The following LONRF2 variants were observed in gnomAD, a reference collection of about 807,000 sequenced individuals.
LONRF2 encodes the protein LON peptidase N-terminal domain and RING finger protein 2.
In LONRF2, 35 loss-of-function variants were observed where a neutral mutation model predicts 66.6. That is an observed-to-expected ratio of 0.53 (90% confidence interval 0.40 to 0.70). The LOEUF (loss-of-function observed/expected upper bound fraction) is 0.70, where lower values mean the gene tolerates loss of function less well. LONRF2 is among the 30% of genes least tolerant of loss of function. The pLI is 0.00. For synonymous variants in LONRF2, 417 were observed against 418.1 expected (o/e 1.00, Z 0.03); for missense variants, 902 against 1,002.1 (o/e 0.90, Z 1.35).
intron 11 of LONRF2, among the ~76,000 whole-genome samples, chr2:100,285,303 G>T (rs1033057898): frequency 6.6e-6 from 1 of 152,180 alleles, no homozygotes; most frequent in Non-Finnish European, 1.5e-5. Context: ...ACCAGGGGTA[G>T]CCCAAGTCAC....
rs372789250 is a variant in LONRF2 at position 100,321,530 on chromosome 2, C to T, written c.564G>A (p.Glu188=). The T allele has an allele frequency of 5.2e-6, 8 of 1,552,308 alleles. No homozygotes were observed. The highest frequency in any genetic ancestry group is 2.6e-5 in the East Asian group (1 of 39,022). The stretch of plus-strand genomic sequence containing the variant: ...GCCGGCACTCGGCCGGGAAGCACTT[C>T]TCCAGCAGGCCGCTCAGCACCACGT... ...RVNVVLSGLL[E]KCFPAECRLR... is the part of the protein sequence containing the mutation. Residue 188 remains glutamate, a synonymous_variant, in exon 1 of 12, where the codon GAG becomes GAA. Coordinates refer to ENST00000393437, the MANE Select transcript of LONRF2 (RefSeq NM_198461.4).
At chr2:100,310,759 T>C (rs1179239443) in intron 1 of LONRF2, among the ~76,000 whole-genome samples, 2 of 152,214 alleles carry the variant, frequency 1.3e-5, no homozygotes, top group African/African-American at 2.4e-5. Context: ...ATAGTAACTA[T>C]TTTAGGCTTT....
chr2:100,280,780 C>T lies in LONRF2; in HGVS notation c.*3518G>A, dbSNP rs1391090316. On this transcript the variant is annotated 3_prime_UTR_variant, in exon 12 of 12. Transcript: ENST00000393437. ...TGGGTGACAGAGTGAGACCCCATCT[C>T]AAAAAAAATAAAAATGGGGATACAG... The T allele has an allele frequency of 1.3e-5, 2 of 151,576 alleles. No homozygotes were observed. The highest frequency in any genetic ancestry group is 2.9e-5 in the Non-Finnish European group (2 of 67,912). 9.4% of individuals were successfully genotyped at this position (151,576 alleles called of 1,614,324 possible). A position where few individuals can be genotyped will look rare whatever the true frequency, so the allele number is the denominator to read the frequency against.
chr2:100,308,423 G>T (rs1295210471), intron 2 of LONRF2, among the ~76,000 whole-genome samples: 3 of 152,196 alleles, frequency 2.0e-5, no homozygotes, highest in Non-Finnish European at 4.4e-5. Context: ...ATAAAACAAA[G>T]TTGATATAAA....
chr2:100,309,835 G>A (rs1216251330), intron 1 of LONRF2, among the ~76,000 whole-genome samples: 1 of 152,042 alleles, frequency 6.6e-6, no homozygotes, highest in Non-Finnish European at 1.5e-5. Flanking sequence ...ACCACGCCCG[G>A]CTAATTTTTG....
Position 100,282,249 on chromosome 2 carries a change from T to C in LONRF2, c.*2049A>G, listed in dbSNP as rs1036477837. ...TGATTCCAAGAACTGTGTGACCTTA[T>C]GACATTTAAAGAGTGAGGAAGAGAA... On this transcript the variant is annotated 3_prime_UTR_variant, in exon 12 of 12. Transcript: ENST00000393437. The C allele has an allele frequency of 6.6e-6, 1 of 152,210 alleles. No individual in the cohort carries two copies. Among genetic ancestry groups the C allele is most frequent in the Non-Finnish European group, 1.5e-5 (1 of 68,034 alleles). The allele number at this position is 152,210 out of a possible 1,614,324, so 9.4% of individuals were successfully genotyped here.
At position 100,277,880 on chromosome 2, in the gene LONRF2, C is replaced by T. The variant is rs904645092; in HGVS notation, c.*6418G>A. ...CCCCAAATCCAAATCTAAATCACATCTCTCCACAGGTGCTACAGCTGGGAT... is the reference window on the plus strand; with the variant it reads ...CCCCAAATCCAAATCTAAATCACATTTCTCCACAGGTGCTACAGCTGGGAT... On this transcript the variant is annotated 3_prime_UTR_variant, in exon 12 of 12. Coordinates refer to ENST00000393437, the MANE Select transcript of LONRF2 (RefSeq NM_198461.4). The T allele has an allele frequency of 1.3e-5, 2 of 152,176 alleles. No individual in the cohort carries two copies. The highest frequency in any genetic ancestry group is 2.9e-5 in the Non-Finnish European group (2 of 68,056). The allele number at this position is 152,176 out of a possible 1,614,324, so 9.4% of individuals were successfully genotyped here.
chr2:100,295,308 A>T, intron 8 of LONRF2, 124 bp downstream of exon 8: 1 of 793,152 alleles, frequency 1.3e-6, no homozygotes, highest in Non-Finnish European at 1.8e-6. Context: ...TTTTGCAATT[A>T]ACATCCTTTT....
chr2:100,286,168 GA>G (rs1221465566), intron 11 of LONRF2, among the ~76,000 whole-genome samples: 2 of 151,382 alleles, frequency 1.3e-5, no homozygotes, highest in African/African-American at 2.4e-5. Flanking sequence ...CCAAGAGACA[GA>G]AAAAAAAAGT....
In LONRF2 at chr2:100,284,362, A is replaced by T; in HGVS notation, c.2201T>A (p.Val734Asp). The part of the protein sequence containing the change: ...ERLLAIRRIL[V>D]IITRKMNSRQ... Reference sequence around the variant, plus strand: ...ACTATTCATCTTACGCGTGATGATGACTAATATCCGTCGGATGGCAAGGAG... The same window carrying T: ...ACTATTCATCTTACGCGTGATGATGTCTAATATCCGTCGGATGGCAAGGAG... Residue 734 changes from valine (V) to aspartate (D), a missense_variant, in exon 12 of 12, where the codon GTC (valine) becomes GAC (aspartate). By Grantham distance (152) the Val-to-Asp change is radical. This residue lies in a region of LONRF2 where 317 missense variants were observed against 432.2 expected (regional missense o/e 0.73). Coordinates refer to ENST00000393437, the MANE Select transcript of LONRF2 (RefSeq NM_198461.4). The T allele has an allele frequency of 6.3e-7, 1 of 1,595,486 alleles. No homozygotes were observed.
chr2:100,311,269 T>C (rs990567531), intron 1 of LONRF2, among the ~76,000 whole-genome samples: 19 of 152,006 alleles, frequency 1.2e-4, no homozygotes, highest in African/African-American at 4.1e-4. Flanking sequence ...CCTTTGGAGA[T>C]TTCCAAAAAT....
intron 11 of LONRF2, 83 bp downstream of exon 11, chr2:100,286,831 C>A: frequency 6.7e-7 from 1 of 1,487,934 alleles, no homozygotes; most frequent in Non-Finnish European, 9.1e-7. Flanking sequence ...CAGCATCATA[C>A]TGCCAAGCTC....
At chr2:100,311,455 A>G (rs761346704) in intron 1 of LONRF2, among the ~76,000 whole-genome samples, 21 of 152,108 alleles carry the variant, frequency 1.4e-4, no homozygotes, top group Non-Finnish European at 2.9e-5. Flanking sequence ...TGGAGATCTC[A>G]TATCCTGTTT....
At chr2:100,300,569 C>A in intron 4 of LONRF2, 75 bp downstream of exon 4, 1 of 1,412,610 alleles carries the variant, frequency 7.1e-7, no homozygotes, top group South Asian at 1.4e-5. Flanking sequence ...TGTGAATAAT[C>A]TGTAAACTGT....
chr2:100,315,088 T>C (rs968039728), intron 1 of LONRF2, among the ~76,000 whole-genome samples: 1 of 152,248 alleles, frequency 6.6e-6, no homozygotes, highest in Non-Finnish European at 1.5e-5. Context: ...AAAAATGATA[T>C]ATCCATCCAT....
intron 1 of LONRF2, among the ~76,000 whole-genome samples, chr2:100,312,766 T>C (rs1675433165): frequency 6.6e-6 from 1 of 152,256 alleles, no homozygotes; most frequent in South Asian, 2.1e-4. Flanking sequence ...CTTCACAATT[T>C]AGTCTTTTAA....
chr2:100,299,650 T>C (rs1393856566), intron 5 of LONRF2, 67 bp downstream of exon 5: 1 of 1,236,214 alleles, frequency 8.1e-7, no homozygotes, highest in Non-Finnish European at 1.2e-6. Context: ...AAAAAATATA[T>C]TGAATACTAG....
intron 3 of LONRF2, among the ~76,000 whole-genome samples, chr2:100,302,003 AG>A (rs1484788483): frequency 6.6e-6 from 1 of 152,218 alleles, no homozygotes; most frequent in Non-Finnish European, 1.5e-5. Flanking sequence ...GCACAAGAGA[AG>A]ATAAAAAACA....
chr2:100,293,882 A>G (rs2105720089), intron 9 of LONRF2, among the ~76,000 whole-genome samples: 1 of 152,260 alleles, frequency 6.6e-6, no homozygotes, highest in South Asian at 2.1e-4. Flanking sequence ...GCCCAGCCGC[A>G]ATTTTCCTAG....
Sources: allele counts gnomAD v4.1 joint callset (sites outside exome capture counted in the v4.1 genomes callset), GRCh38; gene constraint gnomAD v4.1.1; regional missense constraint gnomAD v4.1.1; transcripts MANE v1.5; gene names NCBI Gene and HGNC (gene_info 2026-07-23, HGNC 2026-07-21).